Variants in MATN2 observed in about 807,000 individuals in gnomAD.
MATN2 encodes matrilin-2.
Under a neutral mutation model 103.2 loss-of-function variants are expected in MATN2, and 69 were observed. That is an observed-to-expected ratio of 0.67 (90% CI 0.55 to 0.82). The LOEUF is 0.82. Among genes scored for constraint, MATN2 ranks in the 40% least tolerant of loss-of-function variants. The pLI is 0.00. For synonymous variants in MATN2, 429 were observed against 450.2 expected (o/e 0.95, Z 0.60); for missense variants, 1,023 against 1,211.5 (o/e 0.84, Z 2.31).
chr8:97,907,664 T>C (rs1167352445), intron 2 of MATN2, among the ~76,000 whole-genome samples: 1 of 152,108 alleles, frequency 6.6e-6, no homozygotes, highest in Non-Finnish European at 1.5e-5. Context: ...CTCTCCACTG[T>C]GCAACCATGA....
At chr8:98,014,939 G>C (rs72678733) in intron 10 of MATN2, among the ~76,000 whole-genome samples, 14,220 of 152,206 alleles carry the variant, frequency 0.093, 937 homozygotes, top group Admixed American at 0.19. Flanking sequence ...TGAAAGGATT[G>C]AGTTAACTTT....
chr8:97,938,021 C>T (rs557546997), intron 3 of MATN2, among the ~76,000 whole-genome samples: 27 of 152,242 alleles, frequency 1.8e-4, no homozygotes, highest in Admixed American at 5.9e-4. Flanking sequence ...GCCTGCTGCC[C>T]GCCAGATATT....
chr8:97,943,995 C>G (rs185300103), intron 4 of MATN2, among the ~76,000 whole-genome samples: 2 of 152,188 alleles, frequency 1.3e-5, no homozygotes, highest in South Asian at 4.1e-4. Context: ...CCTGATGTCC[C>G]CCAGATCTCA....
At chr8:97,965,690 G>T (rs746469187) in intron 5 of MATN2, among the ~76,000 whole-genome samples, 31 of 152,018 alleles carry the variant, frequency 2.0e-4, no homozygotes, top group Non-Finnish European at 4.1e-4. Flanking sequence ...AAAAAAATTA[G>T]TTGGACATGG....
chr8:97,969,870 G>A (rs1181834992), intron 5 of MATN2, among the ~76,000 whole-genome samples: 1 of 152,160 alleles, frequency 6.6e-6, no homozygotes, highest in African/African-American at 2.4e-5. Flanking sequence ...CAAGAGGCAG[G>A]GAGTGGGTGA....
intron 1 of MATN2, among the ~76,000 whole-genome samples, chr8:97,874,574 T>C (rs1010823647): frequency 8.6e-5 from 13 of 151,572 alleles, no homozygotes; most frequent in African/African-American, 3.1e-4. Flanking sequence ...TCTGGCTAAA[T>C]TTTTTTTTAA....
At chr8:97,969,839 G>A (rs1811598929) in intron 5 of MATN2, among the ~76,000 whole-genome samples, 1 of 152,218 alleles carries the variant, frequency 6.6e-6, no homozygotes, top group African/African-American at 2.4e-5. Context: ...GGCAAAGGGG[G>A]CATGGGTAAA....
intron 3 of MATN2, among the ~76,000 whole-genome samples, chr8:97,937,465 G>C (rs555163227): frequency 6.6e-6 from 1 of 151,520 alleles, no homozygotes; most frequent in East Asian, 1.9e-4. Flanking sequence ...ATTACACCAA[G>C]TTATAATCTT....
Position 97,941,518 on chromosome 8 carries a change from T to C in MATN2, c.713-259T>C, listed in dbSNP as rs146360959. ...TGAATTGGAAATTTCTTGCTTTTTTTTGTAGATCAAAACCAATCAAGTATC... is the reference window on the plus strand; with the variant it reads ...TGAATTGGAAATTTCTTGCTTTTTTCTGTAGATCAAAACCAATCAAGTATC... On this transcript the variant is annotated intron_variant, in intron 3 of 18. Coordinates refer to ENST00000254898, the MANE Select transcript of MATN2 (RefSeq NM_002380.5). Among the ~76,000 whole-genome samples, 568 of 152,360 alleles carry C rather than the reference T, an allele frequency of 3.7e-3. 3 individuals carry two copies. The highest frequency in any genetic ancestry group is 5.3e-3 in the Non-Finnish European group (359 of 68,026).
rs138779691 is a variant in MATN2, at chr8:98,022,813, C to T, written c.1942+1486C>T. Among the ~76,000 whole-genome samples the T allele has an allele frequency of 8.6e-3, 1,302 of 152,236 alleles. 20 individuals are homozygous for T. The highest frequency in any genetic ancestry group is 0.03 in the African/African-American group (1,238 of 41,534). ...GTCAAATTATTTAATCTCGGCCGGGCGCTATGGCTAACGCCTGTAATCCCA... is the reference window on the plus strand; with the variant it reads ...GTCAAATTATTTAATCTCGGCCGGGTGCTATGGCTAACGCCTGTAATCCCA... On this transcript the variant is annotated intron_variant, in intron 13 of 18. Coordinates refer to ENST00000254898, the MANE Select transcript of MATN2 (RefSeq NM_002380.5).
chr8:97,889,488 T>TATATATATATATAA lies in MATN2; in HGVS notation c.142+1247_142+1248insTATATATATATAAA, dbSNP rs1347479451. On this transcript the variant is annotated intron_variant, in intron 2 of 18. Coordinates refer to ENST00000254898, the MANE Select transcript of MATN2 (RefSeq NM_002380.5). Reference sequence around the variant, plus strand: ...ATATATATATATATATATATATATATAAAACTGATGATGCACACAATCTTG... The same window carrying TATATATATATATAA: ...ATATATATATATATATATATATATATATATATATATATAAAAAACTGATGATGCACACAATCTTG... 2.0e-4 allele frequency among the ~76,000 whole-genome samples: 27 copies of TATATATATATATAA among 133,356 alleles called. 1 individual carries two copies. Among genetic ancestry groups the TATATATATATATAA allele is most frequent in the Non-Finnish European group, 3.6e-4 (22 of 61,788 alleles). 87.5% of individuals were successfully genotyped at this position (133,356 alleles called of 152,430 possible).
At chr8:97,906,043 A>G (rs1309277056) in intron 2 of MATN2, among the ~76,000 whole-genome samples, 1 of 152,080 alleles carries the variant, frequency 6.6e-6, no homozygotes. Context: ...ATTCTTTTGG[A>G]TATATACTAA....
chr8:97,994,603 G>GT lies in MATN2; in HGVS notation c.1204+2dup. On this transcript the variant is annotated splice_donor_variant, in intron 7 of 18. Coordinates refer to ENST00000254898, the MANE Select transcript of MATN2 (RefSeq NM_002380.5). LOFTEE classifies it high-confidence loss of function. ...AATCCAGATAAGAAAACCTGCAGAA[G>GT]TAAGTTACAGTGGGAGTTGGAGAAG... 1 of 1,609,930 alleles carries GT rather than the reference G, an allele frequency of 6.2e-7. No homozygotes were observed. The highest frequency in any genetic ancestry group is 8.5e-7 in the Non-Finnish European group (1 of 1,178,886).
At chr8:97,914,631 T>C (rs1809560565) in intron 2 of MATN2, among the ~76,000 whole-genome samples, 1 of 151,134 alleles carries the variant, frequency 6.6e-6, no homozygotes, top group African/African-American at 2.4e-5. Context: ...TGAGATTACA[T>C]GTGTGAGCCA....
chr8:97,895,679 T>G (rs1244513614), intron 2 of MATN2, among the ~76,000 whole-genome samples: 1 of 152,240 alleles, frequency 6.6e-6, no homozygotes, highest in Non-Finnish European at 1.5e-5. Flanking sequence ...GACTGAATAT[T>G]TTTCATTTCT....
At chr8:97,888,461 A>G (rs1014817575) in intron 2 of MATN2, among the ~76,000 whole-genome samples, 3 of 152,150 alleles carry the variant, frequency 2.0e-5, no homozygotes, top group Admixed American at 1.3e-4. Context: ...CCTTTAATTG[A>G]ATCTGAGGCT....
intron 2 of MATN2, among the ~76,000 whole-genome samples, chr8:97,902,187 T>A (rs901414463): frequency 2.0e-5 from 3 of 151,622 alleles, no homozygotes; most frequent in Admixed American, 2.0e-4. Context: ...TGTTTTTTTT[T>A]TTTTTAACAA....
At chr8:97,879,917 G>A (rs888457535) in intron 1 of MATN2, among the ~76,000 whole-genome samples, 2 of 151,426 alleles carry the variant, frequency 1.3e-5, no homozygotes, top group African/African-American at 4.8e-5. Flanking sequence ...GGATTAGGTG[G>A]AAGACAGGAA....
chr8:97,876,928 A>C (rs765098440), intron 1 of MATN2, among the ~76,000 whole-genome samples: 12 of 151,890 alleles, frequency 7.9e-5, no homozygotes, highest in Non-Finnish European at 1.5e-4. Flanking sequence ...ATTGCTGCGT[A>C]ATATCCCATT....
Sources: allele counts gnomAD v4.1 joint callset (sites outside exome capture counted in the v4.1 genomes callset), GRCh38; gene constraint gnomAD v4.1.1; transcripts MANE v1.5; gene names NCBI Gene and HGNC (gene_info 2026-07-23, HGNC 2026-07-21).